The following NR3C1 variants were observed in gnomAD, a reference collection of about 807,000 sequenced individuals.
The protein encoded by NR3C1 is glucocorticoid receptor.
In NR3C1, 14 loss-of-function variants were observed where a neutral mutation model predicts 74.0. The ratio of observed to expected loss-of-function variants is 0.19; its 90% CI spans 0.12 to 0.30. NR3C1 has a LOEUF of 0.30. Among genes scored for constraint, NR3C1 ranks in the 10% least tolerant of loss-of-function variants. The pLI is 1.00. For synonymous variants in NR3C1, 308 were observed against 332.5 expected, an observed-to-expected ratio of 0.93 and a Z score of 0.80; for missense variants, 695 against 909.8, an observed-to-expected ratio of 0.76 and a Z score of 3.04.
At chr5:143,333,705 C>T (rs12187662) in intron 2 of NR3C1, among the ~76,000 whole-genome samples, 1 of 151,882 alleles carries the variant, frequency 6.6e-6, no homozygotes, top group African/African-American at 2.4e-5. Flanking sequence ...GAGGCAGAGA[C>T]TGCAGTGAGC....
At chr5:143,313,833 T>C (rs852979) in intron 3 of NR3C1, among the ~76,000 whole-genome samples, 169 bp downstream of exon 3, 42,483 of 152,110 alleles carry the variant, frequency 0.28, 6,189 homozygotes, top group Non-Finnish European at 0.32. Context: ...TTTGTATTGT[T>C]GTTTTAAATA....
intron 2 of NR3C1, among the ~76,000 whole-genome samples, chr5:143,378,200 A>G (rs1201744075): frequency 6.6e-6 from 1 of 152,094 alleles, no homozygotes; most frequent in Non-Finnish European, 1.5e-5. Context: ...GCAGTGATCC[A>G]AGTTTGCCCC....
intron 2 of NR3C1, among the ~76,000 whole-genome samples, chr5:143,356,577 T>A (rs1410844713): frequency 6.6e-6 from 1 of 152,096 alleles, no homozygotes; most frequent in African/African-American, 2.4e-5. Context: ...CTGTTTTTAG[T>A]ACATTATGCC....
intron 2 of NR3C1, among the ~76,000 whole-genome samples, chr5:143,394,434 A>T (rs1838831720): frequency 6.6e-6 from 1 of 152,010 alleles, no homozygotes; most frequent in South Asian, 2.1e-4. Flanking sequence ...AACCCATAGA[A>T]ATATATTACC....
intron 2 of NR3C1, among the ~76,000 whole-genome samples, chr5:143,385,523 C>T (rs868685620): frequency 1.3e-5 from 2 of 152,342 alleles, no homozygotes; most frequent in South Asian, 4.1e-4. Flanking sequence ...TAGGAGCAGC[C>T]AGGCCACATA....
chr5:143,394,308 G>C (rs1838810304), intron 2 of NR3C1, among the ~76,000 whole-genome samples: 1 of 151,936 alleles, frequency 6.6e-6, no homozygotes, highest in Non-Finnish European at 1.5e-5. Flanking sequence ...CTGAATTTAA[G>C]GAATGTATTG....
intron 7 of NR3C1, among the ~76,000 whole-genome samples, chr5:143,288,660 A>C (rs903796451): frequency 2.6e-5 from 4 of 151,930 alleles, no homozygotes; most frequent in Non-Finnish European, 4.4e-5. Flanking sequence ...TTGTGTAGTG[A>C]CAGGGTTTCG....
chr5:143,295,674 CTA>C, intron 6 of NR3C1, 84 bp from the exon 7 acceptor site: 1 of 1,089,812 alleles, frequency 9.2e-7, no homozygotes, highest in Non-Finnish European at 1.4e-6. Flanking sequence ...TTTTGCAAAA[CTA>C]TGAACTCATA....
At chr5:143,368,270 T>C (rs2151844429) in intron 2 of NR3C1, among the ~76,000 whole-genome samples, 1 of 152,258 alleles carries the variant, frequency 6.6e-6, no homozygotes, top group African/African-American at 2.4e-5. Context: ...ATGTAAGAGC[T>C]AAAACTATAA....
intron 1 of NR3C1, among the ~76,000 whole-genome samples, chr5:143,412,529 C>T (rs937482330): frequency 7.2e-5 from 11 of 152,030 alleles, no homozygotes; most frequent in African/African-American, 2.4e-4. Context: ...CTTCTTCATT[C>T]CTATTTTTCT....
In NR3C1 at chr5:143,280,347, G is replaced by GAAACT. The variant is rs1316757618; in HGVS notation, c.*1537_*1541dup. On this transcript the variant is annotated 3_prime_UTR_variant, in exon 9 of 9. Transcript: ENST00000394464. ...GTGAATACCAATATGATATATATCT[G>GAAACT]AAACTATAACTAAATATAAAAATAT... is the stretch of plus-strand genomic sequence containing the variant. 6.6e-6 allele frequency: 1 copy of GAAACT among 152,440 alleles called. No individual in the cohort carries two copies. Among genetic ancestry groups the GAAACT allele is most frequent in the Non-Finnish European group, 1.5e-5 (1 of 68,010 alleles). 9.4% of individuals were successfully genotyped at this position (152,440 alleles called of 1,614,324 possible).
chr5:143,400,231 G>C lies in NR3C1; in HGVS notation c.609C>G (p.Ser203=), dbSNP rs759393665. Residue 203 remains serine (S), a synonymous_variant, in exon 2 of 9, where the codon TCC becomes TCG. Transcript: ENST00000394464. The part of the protein sequence containing the change: ...ILQDLEFSSG[S]PGKETNESPW... ...GACTCTCATTCGTCTCTTTACCTGGGGACCCAGAAGAAAACTCCAAATCCT... is the reference window on the plus strand; with the variant it reads ...GACTCTCATTCGTCTCTTTACCTGGCGACCCAGAAGAAAACTCCAAATCCT... The C allele has an allele frequency of 1.9e-6, 3 of 1,599,784 alleles. No individual in the cohort carries two copies. In the East Asian group the frequency reaches 6.7e-5, roughly 36 times the overall value.
chr5:143,396,007 T>C (rs1257581323), intron 2 of NR3C1, among the ~76,000 whole-genome samples: 1 of 151,884 alleles, frequency 6.6e-6, no homozygotes, highest in Non-Finnish European at 1.5e-5. Context: ...GTATAAACAT[T>C]AAATAAGTAG....
intron 1 of NR3C1, among the ~76,000 whole-genome samples, chr5:143,417,335 T>C (rs930624222): frequency 6.6e-6 from 1 of 152,176 alleles, no homozygotes; most frequent in Admixed American, 6.5e-5. Context: ...ACATAAACTT[T>C]ATACTTCTCT....
At position 143,309,469 on chromosome 5, in the gene NR3C1, C is replaced by T. The variant is rs199958414; in HGVS notation, c.1468+628G>A. On this transcript the variant is annotated intron_variant, in intron 4 of 8. Transcript: ENST00000394464. Reference sequence around the variant, plus strand: ...AGAATCTGCAAGTGGATATTTGGAGCGCTTTGAGGCCTACGGTGGAAAAGG... The same window carrying T: ...AGAATCTGCAAGTGGATATTTGGAGTGCTTTGAGGCCTACGGTGGAAAAGG... Among the ~76,000 whole-genome samples the T allele has an allele frequency of 2.0e-4, 30 of 152,184 alleles. No homozygotes were observed. The East Asian group carries it at 5.0e-3, about 25-fold the overall frequency.
intron 1 of NR3C1, among the ~76,000 whole-genome samples, chr5:143,423,641 C>T (rs528906289): frequency 1.2e-4 from 18 of 152,164 alleles, no homozygotes; most frequent in African/African-American, 3.1e-4. Context: ...ATCAGTATAT[C>T]GAAGAGATAT....
chr5:143,340,728 G>A (rs753478232), intron 2 of NR3C1, among the ~76,000 whole-genome samples: 8 of 151,948 alleles, frequency 5.3e-5, no homozygotes, highest in Non-Finnish European at 7.4e-5. Flanking sequence ...TGATCCGCCC[G>A]GCTTGGCCTC....
chr5:143,339,887 C>G (rs181826088), intron 2 of NR3C1, among the ~76,000 whole-genome samples: 58 of 152,282 alleles, frequency 3.8e-4, no homozygotes, highest in Non-Finnish European at 7.9e-4. Context: ...AACAGAACTT[C>G]ATGGACCTGA....
rs560041895 is a variant in NR3C1, at chr5:143,348,381, C to T, written c.1185-34213G>A. ...TGTAGATTCCACATCTGCAAGTTTACACATTTGCTACATTTTATTTGTAAC... is the reference window on the plus strand; with the variant it reads ...TGTAGATTCCACATCTGCAAGTTTATACATTTGCTACATTTTATTTGTAAC... On this transcript the variant is annotated intron_variant, in intron 2 of 8. Coordinates refer to ENST00000394464, the MANE Select transcript of NR3C1 (RefSeq NM_000176.3). 1.3e-4 allele frequency among the ~76,000 whole-genome samples: 20 copies of T among 152,296 alleles called. No individual in the cohort carries two copies. The South Asian group carries it at 3.7e-3, about 28-fold the overall frequency.
Sources: allele counts gnomAD v4.1 joint callset (sites outside exome capture counted in the v4.1 genomes callset), GRCh38; gene constraint gnomAD v4.1.1; transcripts MANE v1.5; gene names NCBI Gene and HGNC (gene_info 2026-07-23, HGNC 2026-07-21).